Variants in PRG4 observed in about 807,000 individuals in gnomAD.
PRG4 encodes proteoglycan 4.
A neutral mutation model predicts 91.2 loss-of-function variants in PRG4; 61 were observed. The ratio of observed to expected loss-of-function variants is 0.67; its 90% CI spans 0.54 to 0.83. The LOEUF is 0.83. PRG4 is among the 40% of genes least tolerant of loss of function. PRG4 has a pLI of 0.00. For missense variants in PRG4, 1,564 were observed against 1,714.2 expected (o/e 0.91, Z 1.55); for synonymous variants, 576 against 614.2 (o/e 0.94, Z 0.92).
chr1:186,299,227 G>A (rs1279541113), intron 2 of PRG4, among the ~76,000 whole-genome samples: 1 of 152,174 alleles, frequency 6.6e-6, no homozygotes, highest in Non-Finnish European at 1.5e-5. Flanking sequence ...TTGTTGCCTG[G>A]AAAACCTCTG....
Position 186,306,438 on chromosome 1 carries a change from C to G in PRG4, c.719C>G (p.Thr240Ser). Residue 240 changes from threonine to serine, a missense_variant, in exon 7 of 13, where the codon ACC (threonine) becomes AGC (serine). Physicochemically the swap from Thr to Ser is moderately conservative, Grantham distance 58. This residue lies in a region of PRG4 where 437 missense variants were observed against 459.0 expected (regional missense o/e 0.95). Transcript: ENST00000445192. Reference sequence around the variant, plus strand: ...AAGGTCACAACTCCTGACACGTCTACCACCCAACACAATAAAGTCAGCACA... The same window carrying G: ...AAGGTCACAACTCCTGACACGTCTAGCACCCAACACAATAAAGTCAGCACA... ...DFKVTTPDTS[T>S]TQHNKVSTSP... 1 of 1,613,574 alleles carries G rather than the reference C, an allele frequency of 6.2e-7. No homozygotes were observed. The highest frequency in any genetic ancestry group is 8.5e-7 in the Non-Finnish European group (1 of 1,179,654).
intron 6 of PRG4, among the ~76,000 whole-genome samples, chr1:186,305,795 G>A (rs1170650935): frequency 1.3e-5 from 2 of 152,154 alleles, no homozygotes; most frequent in Admixed American, 6.5e-5. Context: ...GACCTGCAAG[G>A]TTAGCTGCGC....
rs140452531 is a variant in PRG4 at position 186,310,539 on chromosome 1, G to T, written c.3500-495G>T. ...CCTCTGTCACCCAGGCTGGAGTAGA[G>T]TGGTGCAATTACGGCTCAATGCAGG... On this transcript the variant is annotated intron_variant, in intron 8 of 12. Coordinates refer to ENST00000445192, the MANE Select transcript of PRG4 (RefSeq NM_005807.6). 6.4e-3 allele frequency among the ~76,000 whole-genome samples: 972 copies of T among 152,294 alleles called. 11 individuals are homozygous for T. Among genetic ancestry groups the T allele is most frequent in the African/African-American group, 0.021 (872 of 41,560 alleles).
intron 3 of PRG4, 49 bp from the exon 4 acceptor site, chr1:186,301,543 C>T (rs1468255035): frequency 1.2e-6 from 2 of 1,611,804 alleles, no homozygotes; most frequent in South Asian, 2.2e-5. Context: ...AATACGTGGG[C>T]CTGGCTTCAC....
intron 1 of PRG4, 90 bp from the exon 2 acceptor site, chr1:186,296,756 T>C: frequency 1.4e-6 from 1 of 708,560 alleles, no homozygotes; most frequent in Non-Finnish European, 2.5e-6. Context: ...TATTGTTACA[T>C]TTTTAAAGTT....
At chr1:186,305,639 T>C (rs1207936469) in intron 6 of PRG4, among the ~76,000 whole-genome samples, 1 of 152,234 alleles carries the variant, frequency 6.6e-6, no homozygotes, top group Non-Finnish European at 1.5e-5. Flanking sequence ...GCCAGGCATT[T>C]AATCTTTTAG....
intron 4 of PRG4, among the ~76,000 whole-genome samples, chr1:186,302,423 C>T (rs1571555072): frequency 6.6e-6 from 1 of 152,210 alleles, no homozygotes; most frequent in Admixed American, 6.5e-5. Context: ...TACTTGAATA[C>T]TGGATTACTT....
At chr1:186,301,043 A>T (rs1656182939) in intron 3 of PRG4, among the ~76,000 whole-genome samples, 1 of 152,304 alleles carries the variant, frequency 6.6e-6, no homozygotes, top group Admixed American at 6.5e-5. Context: ...CATAGTCCAC[A>T]CTGTAAGATT....
intron 2 of PRG4, among the ~76,000 whole-genome samples, chr1:186,299,553 T>C (rs1656067187): frequency 6.6e-6 from 1 of 152,218 alleles, no homozygotes; most frequent in Non-Finnish European, 1.5e-5. Flanking sequence ...GTAAAAGAGT[T>C]CACTACAAAT....
intron 4 of PRG4, 35 bp from the exon 5 acceptor site, chr1:186,304,073 C>A: frequency 6.2e-7 from 1 of 1,610,558 alleles, no homozygotes; most frequent in Non-Finnish European, 8.5e-7. Flanking sequence ...TGAACATAAA[C>A]AAGATGTTAA....
In PRG4 at chr1:186,308,856, C is replaced by T; in HGVS notation, c.3137C>T (p.Pro1046Leu). The T allele has an allele frequency of 1.2e-6, 2 of 1,613,750 alleles. No homozygotes were observed. Among genetic ancestry groups the T allele is most frequent in the Middle Eastern group, 1.7e-4 (1 of 6,060 alleles). The part of the protein sequence containing the change: ...KPKTMPRVRK[P>L]KTTPTPRKMT... The stretch of plus-strand genomic sequence containing the variant: ...AAAACAATGCCTAGAGTGAGAAAAC[C>T]AAAGACGACACCAACTCCCCGCAAG... Residue 1046 changes from proline (P) to leucine (L), a missense_variant, in exon 7 of 13, where the codon CCA (proline) becomes CTA (leucine). Pro to Leu is a moderately conservative substitution (Grantham distance 98). Coordinates refer to ENST00000445192, the MANE Select transcript of PRG4 (RefSeq NM_005807.6).
At chr1:186,300,581 A>T (rs1656144971) in intron 3 of PRG4, among the ~76,000 whole-genome samples, 1 of 152,214 alleles carries the variant, frequency 6.6e-6, no homozygotes, top group Admixed American at 6.5e-5. Context: ...ACAATCAGAG[A>T]TGTCCTCGAC....
chr1:186,312,141 T>A lies in PRG4; in HGVS notation c.3794-34T>A, dbSNP rs369156773. ...TTTTCTGAGGGTATTAAAATTAATT[T>A]TCATTTTCCATGTGATATTCTAATA... On this transcript the variant is annotated intron_variant, in intron 10 of 12. Coordinates refer to ENST00000445192, the MANE Select transcript of PRG4 (RefSeq NM_005807.6). 7.4e-4 allele frequency: 1,178 copies of A among 1,595,058 alleles called. 3 individuals are homozygous for A. The highest frequency in any genetic ancestry group is 1.6e-3 in the Admixed American group (96 of 59,938).
chr1:186,307,573 CA>C lies in PRG4; in HGVS notation c.1855del (p.Thr619ProfsTer293), dbSNP rs760882590. 7 of 1,600,210 alleles carry C rather than the reference CA, an allele frequency of 4.4e-6. No homozygotes were observed. Among genetic ancestry groups the C allele is most frequent in the Non-Finnish European group, 5.1e-6 (6 of 1,174,436 alleles). ...CAACTACCCCCAAGGAGACTGCACC[CA>C]CCACCCCCAAGAAGCTCACGCCCAC... Reference protein sequence around the residue: ...APTTPKETAPTTPKKLTPTTP... With the variant: ...APTTPKETAPXTPKKLTPTTP... On this transcript the variant is annotated frameshift_variant, in exon 7 of 13. Transcript: ENST00000445192. LOFTEE classifies it high-confidence loss of function.
chr1:186,307,016 AAGG>A lies in PRG4; in HGVS notation c.1300_1302del (p.Glu434del), dbSNP rs2102022029. 6.3e-7 allele frequency: 1 copy of A among 1,591,414 alleles called. No homozygotes were observed. The highest frequency in any genetic ancestry group is 2.3e-5 in the East Asian group (1 of 43,826). ...CACCAAGTCTGCACCCACCACTCCC[AAGG>A]AGCCTGCACCCACCACCCCCAAGAA... On this transcript the variant is annotated inframe_deletion, in exon 7 of 13. Transcript: ENST00000445192.
chr1:186,310,382 G>A (rs1040633254), intron 8 of PRG4, among the ~76,000 whole-genome samples: 2 of 152,044 alleles, frequency 1.3e-5, no homozygotes, highest in South Asian at 2.1e-4. Context: ...ATTCCTTTTC[G>A]TACAGTAGAG....
rs1261454685 is a variant in PRG4, at chr1:186,306,778, C to T, written c.1059C>T (p.Thr353=). The T allele has an allele frequency of 6.2e-7, 1 of 1,613,194 alleles. No homozygotes were observed. The part of the protein sequence containing the change: ...ALTTPKEPTP[T]TPKEPASTTP... ...CCACTCCCAAGGAGCCCACGCCCACCACTCCCAAGGAGCCTGCATCTACCA... is the reference window on the plus strand; with the variant it reads ...CCACTCCCAAGGAGCCCACGCCCACTACTCCCAAGGAGCCTGCATCTACCA... The change falls in exon 7 of 13, where the codon ACC becomes ACT. Residue 353 remains threonine, a synonymous_variant. Transcript: ENST00000445192.
rs746583527 is a variant in PRG4, at chr1:186,310,657, A to ATTTTTTTTTTTTTTTTTTTTTTTTT, written c.3500-368_3500-367insTTTTTTTTTTTTTTTTTTTTTTTTT. Among the ~76,000 whole-genome samples the ATTTTTTTTTTTTTTTTTTTTTTTTT allele has an allele frequency of 1.5e-5, 2 of 135,878 alleles. 1 individual carries two copies. The highest frequency in any genetic ancestry group is 5.9e-5 in the African/African-American group (2 of 34,162). 89.1% of individuals were successfully genotyped at this position (135,878 alleles called of 152,430 possible). On this transcript the variant is annotated intron_variant, in intron 8 of 12. Coordinates refer to ENST00000445192, the MANE Select transcript of PRG4 (RefSeq NM_005807.6). ...ACCACCATGCCTGGCTAATTTTTGT[A>ATTTTTTTTTTTTTTTTTTTTTTTTT]TTTTTTTTTGTATTTTTTTTTTTTT... is the stretch of plus-strand genomic sequence containing the variant.
chr1:186,305,308 C>G (rs1024162094), intron 6 of PRG4, among the ~76,000 whole-genome samples: 9 of 152,140 alleles, frequency 5.9e-5, no homozygotes, highest in African/African-American at 2.2e-4. Flanking sequence ...TACTATTGTT[C>G]TAAGTGTTTT....
Sources: gnomAD v4.1 joint callset for allele counts (sites outside exome capture counted in the v4.1 genomes callset) on GRCh38, gnomAD v4.1.1 for gene constraint, gnomAD v4.1.1 regional missense constraint, MANE v1.5 for transcripts, NCBI Gene and HGNC (gene_info 2026-07-23, HGNC 2026-07-21) for gene names.